The following CDK14 variants were observed in gnomAD, a reference collection of about 807,000 sequenced individuals.
CDK14 encodes the protein cyclin-dependent kinase 14.
In CDK14, 34 loss-of-function variants were observed where a neutral mutation model predicts 60.7. The ratio of observed to expected loss-of-function variants is 0.56; its 90% CI spans 0.43 to 0.75. The LOEUF is 0.75. Among genes scored for constraint, CDK14 ranks in the 30% least tolerant of loss-of-function variants. The pLI is 0.00. For missense variants in CDK14, 482 were observed against 564.1 expected, an observed-to-expected ratio of 0.85 and a Z score of 1.47; for synonymous variants, 197 against 203.7, an observed-to-expected ratio of 0.97 and a Z score of 0.28.
intron 1 of CDK14, 103 bp downstream of exon 1, chr7:90,596,821 G>C (rs1799196785): frequency 1.0e-6 from 1 of 965,672 alleles, no homozygotes; most frequent in Non-Finnish European, 1.6e-6. Flanking sequence ...CGGGGCTGGC[G>C]TGGGGTGCGT....
chr7:90,797,264 C>T (rs1281528436), intron 5 of CDK14, among the ~76,000 whole-genome samples: 1 of 151,736 alleles, frequency 6.6e-6, no homozygotes, highest in African/African-American at 2.4e-5. Context: ...AAGATCTGTG[C>T]CAGCCACTCT....
chr7:91,025,063 A>C (rs770602421), intron 10 of CDK14, among the ~76,000 whole-genome samples: 27 of 152,214 alleles, frequency 1.8e-4, no homozygotes, highest in Non-Finnish European at 4.4e-5. Context: ...GCTTTGAGAC[A>C]CAGGCATCAA....
At chr7:90,814,509 G>C (rs10276047) in intron 5 of CDK14, among the ~76,000 whole-genome samples, 10 of 151,960 alleles carry the variant, frequency 6.6e-5, no homozygotes, top group Non-Finnish European at 1.5e-4. Flanking sequence ...GTGGCCGGGC[G>C]TGGTGGCTCA....
intron 11 of CDK14, among the ~76,000 whole-genome samples, chr7:91,066,696 A>G (rs79621769): frequency 8.6e-4 from 131 of 152,322 alleles, no homozygotes; most frequent in African/African-American, 3.0e-3. Flanking sequence ...GGACTTTACA[A>G]TATGCAGCAT....
Position 91,140,483 on chromosome 7 carries a change from C to T in CDK14, c.*28+22275C>T, listed in dbSNP as rs559735294. On this transcript the variant is annotated intron_variant, in intron 14 of 14. Coordinates refer to ENST00000380050, the MANE Select transcript of CDK14 (RefSeq NM_001287135.2). ...TACTTTGACCTTATGTTAGTGAGTC[C>T]TTTGTTAATCATTCATTGCACTAGC... Among the ~76,000 whole-genome samples, 463 of 152,232 alleles carry T rather than the reference C, an allele frequency of 3.0e-3. 6 individuals carry two copies. Among genetic ancestry groups the T allele is most frequent in the Middle Eastern group, 0.014 (4 of 294 alleles).
chr7:90,929,505 A>G (rs1793525922), intron 8 of CDK14, among the ~76,000 whole-genome samples: 1 of 152,236 alleles, frequency 6.6e-6, no homozygotes, highest in African/African-American at 2.4e-5. Context: ...TTTGTAGCTC[A>G]GATTTTAAAG....
At chr7:91,078,682 A>G (rs927936930) in intron 11 of CDK14, among the ~76,000 whole-genome samples, 6 of 152,200 alleles carry the variant, frequency 3.9e-5, no homozygotes, top group African/African-American at 1.4e-4. Flanking sequence ...ATAGAGTTTC[A>G]AGGGTAATGT....
chr7:91,069,494 T>C (rs1419894358), intron 11 of CDK14, among the ~76,000 whole-genome samples: 3 of 152,130 alleles, frequency 2.0e-5, no homozygotes, highest in African/African-American at 4.8e-5. Context: ...TGAGCTATGA[T>C]TGTGCCACTG....
At chr7:91,161,757 A>G (rs1362022506) in intron 14 of CDK14, among the ~76,000 whole-genome samples, 1 of 152,254 alleles carries the variant, frequency 6.6e-6, no homozygotes, top group Non-Finnish European at 1.5e-5. Context: ...TGCAAAATAA[A>G]TAGTTAAACT....
chr7:90,736,896 G>C (rs1803138890), intron 3 of CDK14, among the ~76,000 whole-genome samples: 2 of 152,150 alleles, frequency 1.3e-5, no homozygotes, highest in African/African-American at 2.4e-5. Flanking sequence ...AGAATGCCTT[G>C]ACCTCAGTGG....
intron 12 of CDK14, among the ~76,000 whole-genome samples, chr7:91,093,698 C>T (rs1230534807): frequency 6.6e-6 from 1 of 152,120 alleles, no homozygotes; most frequent in African/African-American, 2.4e-5. Flanking sequence ...GAAAATAAAT[C>T]ATATTACCAA....
intron 8 of CDK14, among the ~76,000 whole-genome samples, chr7:90,936,927 T>A (rs1473247888): frequency 6.6e-6 from 1 of 151,804 alleles, no homozygotes; most frequent in African/African-American, 2.4e-5. Flanking sequence ...ATTTTTTTTT[T>A]AATTAGATGG....
At chr7:90,854,326 C>G (rs761336637) in intron 5 of CDK14, among the ~76,000 whole-genome samples, 1 of 152,068 alleles carries the variant, frequency 6.6e-6, no homozygotes. Context: ...CCAGCCTGAA[C>G]AACATAGCAA....
chr7:90,952,916 A>G (rs984647857), intron 8 of CDK14, among the ~76,000 whole-genome samples: 4 of 152,240 alleles, frequency 2.6e-5, no homozygotes. Flanking sequence ...GTATAAACAT[A>G]TAGCAATATC....
chr7:90,689,669 A>G (rs1292600851), intron 2 of CDK14, among the ~76,000 whole-genome samples: 2 of 152,192 alleles, frequency 1.3e-5, no homozygotes, highest in Non-Finnish European at 2.9e-5. Flanking sequence ...TAAGAAATAC[A>G]TGACTGTTGT....
chr7:91,015,910 G>A (rs959208897), intron 10 of CDK14, among the ~76,000 whole-genome samples: 1 of 151,984 alleles, frequency 6.6e-6, no homozygotes, highest in Non-Finnish European at 1.5e-5. Context: ...TTACATTTTG[G>A]GAAGTTGATT....
At chr7:90,603,073 C>T (rs996545411) in intron 1 of CDK14, among the ~76,000 whole-genome samples, 1 of 152,128 alleles carries the variant, frequency 6.6e-6, no homozygotes. Flanking sequence ...CAATAGCTAC[C>T]CAAGTGCTTC....
intron 5 of CDK14, among the ~76,000 whole-genome samples, chr7:90,793,672 A>T (rs541628910): frequency 6.6e-6 from 1 of 152,324 alleles, no homozygotes; most frequent in South Asian, 2.1e-4. Context: ...TAATTGAACA[A>T]TGCAACCATG....
At chr7:91,082,675 T>C (rs867199947) in intron 12 of CDK14, among the ~76,000 whole-genome samples, 2 of 152,210 alleles carry the variant, frequency 1.3e-5, no homozygotes, top group African/African-American at 2.4e-5. Context: ...TCTTGAACTT[T>C]CCTTGAGTAT....
Sources: allele counts gnomAD v4.1 joint callset (sites outside exome capture counted in the v4.1 genomes callset), GRCh38; gene constraint gnomAD v4.1.1; transcripts MANE v1.5; gene names NCBI Gene and HGNC (gene_info 2026-07-23, HGNC 2026-07-21).